The following DISC1 variants were observed in gnomAD, a reference collection of about 807,000 sequenced individuals.
DISC1 encodes the protein DISC1 scaffold protein.
A neutral mutation model predicts 84.5 loss-of-function variants in DISC1; 57 were observed. The observed-to-expected ratio is 0.67, with a 90% CI of 0.55 to 0.84. DISC1 has a LOEUF of 0.84. Ranked by LOEUF, DISC1 falls within the 40% of genes least tolerant of loss-of-function variation. The pLI is 0.00. For missense variants in DISC1, 1,000 were observed against 1,057.8 expected (o/e 0.95, Z 0.76); for synonymous variants, 411 against 415.2 (o/e 0.99, Z 0.12).
intron 8 of DISC1, among the ~76,000 whole-genome samples, chr1:231,815,543 T>A (rs978065151): frequency 2.0e-5 from 3 of 151,958 alleles, no homozygotes; most frequent in Non-Finnish European, 2.9e-5. Flanking sequence ...TTGAGAACAG[T>A]CTGGCCAACA....
intron 9 of DISC1, among the ~76,000 whole-genome samples, chr1:231,947,135 GCCCA>G (rs373351867): frequency 0.039 from 5,975 of 152,254 alleles, 300 homozygotes; most frequent in East Asian, 0.28. Context: ...CAAAGAAAGA[GCCCA>G]CATAGCCAAG....
intron 9 of DISC1, among the ~76,000 whole-genome samples, chr1:231,835,239 A>G (rs2082541336): frequency 6.6e-6 from 1 of 152,122 alleles, no homozygotes; most frequent in Admixed American, 6.6e-5. Context: ...ACCAAATTTC[A>G]CTCGCGTCCG....
chr1:231,714,662 G>T lies in DISC1; in HGVS notation c.1117+12638G>T, dbSNP rs370761349. On this transcript the variant is annotated intron_variant, in intron 3 of 12. Transcript: ENST00000439617. Reference sequence around the variant, plus strand: ...GAGAAAGAGATAGAGAAAGAGACAAGGAGAGACAGGCAGAGAAGAGAGACA... The same window carrying T: ...GAGAAAGAGATAGAGAAAGAGACAATGAGAGACAGGCAGAGAAGAGAGACA... 2.0e-5 allele frequency among the ~76,000 whole-genome samples: 3 copies of T among 150,408 alleles called. No individual in the cohort carries two copies. The East Asian group carries it at 5.9e-4, about 30-fold the overall frequency.
chr1:231,838,377 T>C (rs561914386), intron 9 of DISC1, among the ~76,000 whole-genome samples: 1 of 152,238 alleles, frequency 6.6e-6, no homozygotes, highest in African/African-American at 2.4e-5. Context: ...TCCAGGCAAA[T>C]GAATTTGTTA....
intron 9 of DISC1, among the ~76,000 whole-genome samples, chr1:231,950,248 GA>G (rs1658116933): frequency 6.7e-6 from 1 of 148,726 alleles, no homozygotes; most frequent in East Asian, 2.0e-4. Flanking sequence ...GTGTGTGTGT[GA>G]TGCCCATATT....
chr1:231,693,918 A>G lies in DISC1; in HGVS notation c.160A>G (p.Ile54Val). 6.2e-7 allele frequency: 1 copy of G among 1,614,124 alleles called. No individual in the cohort carries two copies. Among genetic ancestry groups the G allele is most frequent in the Non-Finnish European group, 8.5e-7 (1 of 1,180,008 alleles). Residue 54 changes from isoleucine (I) to valine (V), a missense_variant, in exon 2 of 13, where the codon ATC becomes GTC. Physicochemically the swap from Ile to Val is conservative, Grantham distance 29. Transcript: ENST00000439617. ...GYMRSSTGPG[I>V]GFLSPAVGTL... ...CATGAGAAGCTCGACAGGGCCTGGG[A>G]TCGGGTTCCTTTCCCCAGCAGTGGG...
At chr1:231,856,237 A>G (rs888066933) in intron 9 of DISC1, among the ~76,000 whole-genome samples, 7 of 152,100 alleles carry the variant, frequency 4.6e-5, no homozygotes, top group Admixed American at 1.3e-4. Flanking sequence ...TGGCATGTGG[A>G]TGGTAAAATG....
chr1:231,629,768 CA>C (rs2058557436), intron 1 of DISC1, among the ~76,000 whole-genome samples: 1 of 152,074 alleles, frequency 6.6e-6, no homozygotes, highest in Admixed American at 6.5e-5. Context: ...AGAACAAAGC[CA>C]ATTTATTATG....
At chr1:231,966,246 A>G (rs1661103075) in intron 10 of DISC1, among the ~76,000 whole-genome samples, 1 of 152,132 alleles carries the variant, frequency 6.6e-6, no homozygotes, top group Non-Finnish European at 1.5e-5. Context: ...TTAGTGGTAT[A>G]TAATAGAATA....
At chr1:231,848,805 G>T (rs528067013) in intron 9 of DISC1, among the ~76,000 whole-genome samples, 6 of 152,236 alleles carry the variant, frequency 3.9e-5, no homozygotes, top group African/African-American at 1.4e-4. Flanking sequence ...TATTATGCCT[G>T]ATGTCTTGGA....
At chr1:231,818,232 C>T in intron 8 of DISC1, 97 bp from the exon 9 acceptor site, 1 of 1,236,816 alleles carries the variant, frequency 8.1e-7, no homozygotes, top group Non-Finnish European at 1.2e-6. Context: ...GTTTCTTTGC[C>T]CATGCTGTGA....
chr1:231,642,611 CT>C (rs111888015), intron 1 of DISC1, among the ~76,000 whole-genome samples: 2 of 149,836 alleles, frequency 1.3e-5, no homozygotes, highest in Non-Finnish European at 3.0e-5. Context: ...CCCAGTAAAT[CT>C]TTTTTTTTTC....
intron 9 of DISC1, among the ~76,000 whole-genome samples, chr1:231,933,498 C>A (rs1170880098): frequency 6.6e-6 from 1 of 152,116 alleles, no homozygotes; most frequent in Non-Finnish European, 1.5e-5. Context: ...TTGGTTCTGT[C>A]CCCAGCCAGG....
At chr1:231,872,290 A>G (rs1418953600) in intron 9 of DISC1, among the ~76,000 whole-genome samples, 1 of 152,130 alleles carries the variant, frequency 6.6e-6, no homozygotes, top group Admixed American at 6.5e-5. Context: ...AGTAATGAAA[A>G]AAAATGTATG....
intron 10 of DISC1, among the ~76,000 whole-genome samples, chr1:232,000,255 T>A (rs1666507696): frequency 6.6e-6 from 1 of 152,128 alleles, no homozygotes; most frequent in African/African-American, 2.4e-5. Context: ...GATATAGAAA[T>A]TTTTTTAAAA....
At chr1:232,023,748 C>T (rs1290806076) in intron 11 of DISC1, among the ~76,000 whole-genome samples, 1 of 151,970 alleles carries the variant, frequency 6.6e-6, no homozygotes, top group African/African-American at 2.4e-5. Context: ...GTTTTAAATT[C>T]CTTGGTTTTC....
At chr1:231,817,707 T>G (rs774507251) in intron 8 of DISC1, among the ~76,000 whole-genome samples, 2 of 152,358 alleles carry the variant, frequency 1.3e-5, no homozygotes, top group South Asian at 4.1e-4. Context: ...AGACATAAGA[T>G]TGATGTTTGT....
At chr1:231,751,859 A>G (rs2074633718) in intron 4 of DISC1, among the ~76,000 whole-genome samples, 1 of 152,260 alleles carries the variant, frequency 6.6e-6, no homozygotes. Context: ...CAGTTTGCTC[A>G]TTCATTCATT....
intron 10 of DISC1, chr1:231,959,612 C>T (rs768309494): frequency 1.4e-5 from 9 of 637,864 alleles, no homozygotes; most frequent in African/African-American, 1.4e-4. Flanking sequence ...TCTGCTAGGA[C>T]GCTGTCTTGA....
Sources: gnomAD v4.1 joint callset for allele counts (sites outside exome capture counted in the v4.1 genomes callset) on GRCh38, gnomAD v4.1.1 for gene constraint, MANE v1.5 for transcripts, NCBI Gene and HGNC (gene_info 2026-07-23, HGNC 2026-07-21) for gene names.